MASP1: variants seen among roughly 807,000 people sequenced by gnomAD.
MASP1 encodes mannan-binding lectin serine protease 1.
A neutral mutation model predicts 77.1 loss-of-function variants in MASP1; 59 were observed. The ratio of observed to expected loss-of-function variants is 0.77; its 90% CI spans 0.62 to 0.95. MASP1 has a LOEUF of 0.95. Ranked by LOEUF, MASP1 falls within the 40% of genes least tolerant of loss-of-function variation. MASP1 has a pLI of 0.00. For synonymous variants in MASP1, 362 were observed against 354.5 expected (o/e 1.02, Z -0.24); for missense variants, 885 against 912.9 (o/e 0.97, Z 0.39).
chr3:187,266,407 G>T (rs1156539958), intron 2 of MASP1, among the ~76,000 whole-genome samples: 1 of 152,218 alleles, frequency 6.6e-6, no homozygotes, highest in Non-Finnish European at 1.5e-5. Flanking sequence ...ATGTGTTGGG[G>T]TATTCTCAGG....
chr3:187,226,947 G>A (rs554499325), intron 11 of MASP1, among the ~76,000 whole-genome samples: 3 of 152,112 alleles, frequency 2.0e-5, no homozygotes, highest in Non-Finnish European at 4.4e-5. Context: ...CTCTTAGGCC[G>A]GCCCCACCTC....
At chr3:187,243,825 C>T (rs1195157057) in intron 8 of MASP1, 2 of 650,296 alleles carry the variant, frequency 3.1e-6, no homozygotes, top group African/African-American at 3.6e-5. Context: ...GAGGTCTCTT[C>T]CATTCATTAT....
At position 187,251,667 on chromosome 3, in the gene MASP1, G is replaced by C. The variant is rs368131756; in HGVS notation, c.978C>G (p.Leu326=). The C allele has an allele frequency of 1.1e-5, 17 of 1,614,152 alleles. No homozygotes were observed. In the African/African-American group the frequency reaches 1.6e-4, roughly 15 times the overall value. The change falls in exon 7 of 11, where the codon CTC becomes CTG. Residue 326 remains leucine (L), a synonymous_variant. Coordinates refer to ENST00000296280, the MANE Select transcript of MASP1 (RefSeq NM_139125.4). ...CTTTGTAGCCTGTGTCACAGCTGAC[G>C]AGCACTTGGTCTTTGAAGAAATACT... is the stretch of plus-strand genomic sequence containing the variant. ...QAKYFFKDQV[L]VSCDTGYKVL...
rs956624300 is a variant in MASP1, at chr3:187,236,005, T to C, written c.1866A>G (p.Leu622=). The part of the protein sequence containing the change: ...TLSDVLQYVK[L]PVVPHAECKT... ...TGCACTCAGCGTGAGGCACCACGGG[T>C]AACTTGACATACTGCAGGACATCTG... The change falls in exon 11 of 11, where the codon TTA becomes TTG. Residue 622 remains leucine (L), a synonymous_variant. Coordinates refer to ENST00000296280, the MANE Select transcript of MASP1 (RefSeq NM_139125.4). The C allele has an allele frequency of 6.2e-7, 1 of 1,614,188 alleles. No homozygotes were observed. Among genetic ancestry groups the C allele is most frequent in the Admixed American group, 1.7e-5 (1 of 60,020 alleles).
At chr3:187,267,592 C>T (rs1716146191) in intron 2 of MASP1, among the ~76,000 whole-genome samples, 1 of 152,224 alleles carries the variant, frequency 6.6e-6, no homozygotes, top group Admixed American at 6.5e-5. Context: ...TCTCACGTTC[C>T]TCTACTCTGC....
In MASP1 at chr3:187,253,357, T is replaced by C. The variant is rs529579776; in HGVS notation, c.745-42A>G. The C allele has an allele frequency of 1.6e-4, 251 of 1,611,874 alleles. 2 individuals carry two copies. In the South Asian group the frequency reaches 2.6e-3, roughly 17 times the overall value. On this transcript the variant is annotated intron_variant, in intron 5 of 10. Transcript: ENST00000296280. ...AGAGAGAGAGAAATAGAGTGTTCCATCTGAGCAGCCAAAATGGCCACTGCA... is the reference window on the plus strand; with the variant it reads ...AGAGAGAGAGAAATAGAGTGTTCCACCTGAGCAGCCAAAATGGCCACTGCA...
chr3:187,261,456 C>G (rs554595850), intron 3 of MASP1, among the ~76,000 whole-genome samples: 1 of 152,188 alleles, frequency 6.6e-6, no homozygotes, highest in Non-Finnish European at 1.5e-5. Context: ...CAATGGCCAA[C>G]AAGCACATGA....
intron 8 of MASP1, chr3:187,246,517 A>T (rs1174800633): frequency 2.0e-6 from 2 of 985,354 alleles, no homozygotes; most frequent in East Asian, 2.3e-4. Flanking sequence ...TAGATCGGGC[A>T]GTCCATTTAA....
At chr3:187,246,966 C>A in intron 8 of MASP1, 1 of 1,146,250 alleles carries the variant, frequency 8.7e-7, no homozygotes, top group Non-Finnish European at 1.1e-6. Flanking sequence ...TTAGAAACCA[C>A]TTTGATCTGG....
chr3:187,256,086 A>G (rs1579526119), intron 5 of MASP1, among the ~76,000 whole-genome samples: 2 of 152,044 alleles, frequency 1.3e-5, no homozygotes, highest in South Asian at 4.2e-4. Flanking sequence ...CTTAATTATA[A>G]TATTGAAATA....
intron 1 of MASP1, among the ~76,000 whole-genome samples, chr3:187,289,279 C>T (rs536061817): frequency 1.2e-4 from 18 of 152,294 alleles, no homozygotes; most frequent in South Asian, 2.1e-4. Context: ...TGTCCGTACA[C>T]GCCCCTTGTT....
intron 8 of MASP1, chr3:187,246,724 A>G (rs537814471): frequency 1.5e-4 from 146 of 983,902 alleles, no homozygotes; most frequent in Non-Finnish European, 1.7e-4. Context: ...TAGAACTTGT[A>G]AGCCCCAGAA....
At chr3:187,268,600 C>A (rs1716254408) in intron 2 of MASP1, among the ~76,000 whole-genome samples, 1 of 152,068 alleles carries the variant, frequency 6.6e-6, no homozygotes, top group South Asian at 2.1e-4. Flanking sequence ...AGTGAACTTG[C>A]ATATCTGGCT....
Position 187,234,104 on chromosome 3 carries a change from AT to A in MASP1, c.*1579del. 7.8e-7 allele frequency: 1 copy of A among 1,278,850 alleles called. No homozygotes were observed. The highest frequency in any genetic ancestry group is 1.0e-6 in the Non-Finnish European group (1 of 982,778). 79.2% of individuals were successfully genotyped at this position (1,278,850 alleles called of 1,614,324 possible). On this transcript the variant is annotated 3_prime_UTR_variant, in exon 11 of 11. Transcript: ENST00000296280. ...GGCTGTTGGTTATCCACGAGGGTTT[AT>A]TTCCACTTGAGACCCCTGATGGGAG...
chr3:187,247,641 T>C (rs1237700245), intron 8 of MASP1, among the ~76,000 whole-genome samples: 1 of 152,200 alleles, frequency 6.6e-6, no homozygotes, highest in Non-Finnish European at 1.5e-5. Flanking sequence ...GATTATAAAA[T>C]TCTGCCCCTG....
chr3:187,266,816 C>T (rs1352168954), intron 2 of MASP1, among the ~76,000 whole-genome samples: 1 of 152,114 alleles, frequency 6.6e-6, no homozygotes, highest in Non-Finnish European at 1.5e-5. Context: ...GGCAGGGCAG[C>T]TGGGATTGGC....
Position 187,236,549 on chromosome 3 carries a change from C to A in MASP1, c.1322G>T (p.Arg441Leu). The A allele has an allele frequency of 6.2e-7, 1 of 1,613,796 alleles. No homozygotes were observed. Among genetic ancestry groups the A allele is most frequent in the Non-Finnish European group, 8.5e-7 (1 of 1,179,904 alleles). ...TCLPECGQPS[R>L]SLPSLVKRII... ...CCTCTTGACCAGGCTTGGCAGGGAG[C>A]GGGAGGGCTGACCACACTCTGTAAG... Residue 441 changes from arginine to leucine, a missense_variant, in exon 11 of 11, where the codon CGC becomes CTC. Transcript: ENST00000296280.
At position 187,262,573 on chromosome 3, in the gene MASP1, T is replaced by A; in HGVS notation, c.385A>T (p.Thr129Ser). The change falls in exon 3 of 11, where the codon ACA becomes TCA. Residue 129 changes from threonine to serine, a missense_variant. Coordinates refer to ENST00000296280, the MANE Select transcript of MASP1 (RefSeq NM_139125.4). ...GCCATGTAGTGGGCATCAAAGCCTG[T>A]GAAACGCTCCTCATTGGAGAAATCT... is the stretch of plus-strand genomic sequence containing the variant. The part of the protein sequence containing the change: ...RSDFSNEERF[T>S]GFDAHYMAVD... The A allele has an allele frequency of 6.2e-7, 1 of 1,614,134 alleles. No individual in the cohort carries two copies. The highest frequency in any genetic ancestry group is 8.5e-7 in the Non-Finnish European group (1 of 1,180,010).
At chr3:187,283,207 T>C (rs904515111) in intron 2 of MASP1, among the ~76,000 whole-genome samples, 3 of 152,338 alleles carry the variant, frequency 2.0e-5, no homozygotes, top group Non-Finnish European at 4.4e-5. Context: ...CATCAACCAA[T>C]TTCCAAAATA....
Sources: allele counts gnomAD v4.1 joint callset (sites outside exome capture counted in the v4.1 genomes callset), GRCh38; gene constraint gnomAD v4.1.1; transcripts MANE v1.5; gene names NCBI Gene and HGNC (gene_info 2026-07-23, HGNC 2026-07-21).